Variants in ATF7 observed in about 807,000 individuals in gnomAD.
ATF7 encodes the protein activating transcription factor 7, also known as cyclic AMP-dependent transcription factor ATF-7.
A neutral mutation model predicts 50.4 loss-of-function variants in ATF7; 10 were observed. The observed-to-expected ratio is 0.20, with a 90% confidence interval of 0.12 to 0.34. The LOEUF (loss-of-function observed/expected upper bound fraction) is 0.34, where lower values mean the gene tolerates loss of function less well. Among genes scored for constraint, ATF7 ranks in the 10% least tolerant of loss-of-function variants. The pLI, the probability that ATF7 is intolerant of heterozygous loss-of-function variation, is 1.00. For missense variants in ATF7, 465 were observed against 613.9 expected (o/e 0.76, Z 2.56); for synonymous variants, 201 against 226.4 (o/e 0.89, Z 1.01).
At chr12:53,580,589 G>A (rs1942371399) in intron 2 of ATF7, among the ~76,000 whole-genome samples, 2 of 149,986 alleles carry the variant, frequency 1.3e-5, no homozygotes, top group South Asian at 4.2e-4. Flanking sequence ...GTGTGAACCC[G>A]GGAGGTGGAG....
At chr12:53,608,188 C>G (rs1293316200) in intron 1 of ATF7, among the ~76,000 whole-genome samples, 4 of 146,548 alleles carry the variant, frequency 2.7e-5, no homozygotes, top group African/African-American at 1.0e-4. Flanking sequence ...CCACTGCGCT[C>G]CAGCCTGGTG....
chr12:53,614,545 T>C (rs1010152808), intron 1 of ATF7, among the ~76,000 whole-genome samples: 1 of 152,208 alleles, frequency 6.6e-6, no homozygotes, highest in African/African-American at 2.4e-5. Context: ...CAGGCTTTAA[T>C]ATTAAAGTAT....
rs755660019 is a variant in ATF7 at position 53,534,545 on chromosome 12, T to C, written c.517A>G (p.Thr173Ala). The C allele has an allele frequency of 5.0e-6, 8 of 1,613,372 alleles. No individual in the cohort carries two copies. The highest frequency in any genetic ancestry group is 1.6e-4 in the Middle Eastern group (1 of 6,080). ...DPLHPTLPSP[T>A]SVITQAPPSN... Reference sequence around the variant, plus strand: ...GGTGGAGCCTGTGTGATGACAGAGGTTGGGGAGGGAAGGGTTGGATGAAGT... The same window carrying C: ...GGTGGAGCCTGTGTGATGACAGAGGCTGGGGAGGGAAGGGTTGGATGAAGT... The change falls in exon 6 of 12, where the codon ACC becomes GCC. Residue 173 changes from threonine (T) to alanine (A), a missense_variant. By Grantham distance (58) the Thr-to-Ala change is moderately conservative (BLOSUM62 0). Coordinates refer to ENST00000420353, the MANE Select transcript of ATF7 (RefSeq NM_006856.3).
downstream of ATF7, among the ~76,000 whole-genome samples, chr12:53,510,281 C>T (rs1195227278): frequency 1.3e-5 from 2 of 152,316 alleles, no homozygotes; most frequent in South Asian, 2.1e-4. Context: ...TCAGGTGATC[C>T]GCCCGCCTGG....
chr12:53,539,806 C>T (rs937869426), intron 4 of ATF7, among the ~76,000 whole-genome samples: 1 of 151,884 alleles, frequency 6.6e-6, no homozygotes, highest in Non-Finnish European at 1.5e-5. Flanking sequence ...TGGTGGCTCA[C>T]GCTTGTTATC....
chr12:53,528,788 C>G (rs374554555), intron 9 of ATF7, among the ~76,000 whole-genome samples: 192 of 151,182 alleles, frequency 1.3e-3, no homozygotes, highest in African/African-American at 4.3e-3. Flanking sequence ...GAAAAGAAAA[C>G]AAAAGAAAAG....
At chr12:53,615,079 CAAAAG>C (rs1944061107) in intron 1 of ATF7, among the ~76,000 whole-genome samples, 1 of 148,314 alleles carries the variant, frequency 6.7e-6, no homozygotes, top group African/African-American at 2.5e-5. Context: ...GACGCCATCT[CAAAAG>C]AAAAGAAAAA....
In ATF7 at chr12:53,534,592, G is replaced by C; in HGVS notation, c.470C>G (p.Pro157Arg). 1 of 1,613,660 alleles carries C rather than the reference G, an allele frequency of 6.2e-7. No individual in the cohort carries two copies. Residue 157 changes from proline (P) to arginine (R), a missense_variant, in exon 6 of 12, where the codon CCT becomes CGT. Pro to Arg is a moderately radical substitution (Grantham distance 103, BLOSUM62 -2). Transcript: ENST00000420353. Reference protein sequence around the residue: ...TPTIVRPGSLPLHLGYDPLHP... With the variant: ...TPTIVRPGSLRLHLGYDPLHP... ...AAGTGGATCATAGCCCAAGTGGAGAGGCAGGGAGCCAGGACGTACAATGGT... is the reference window on the plus strand; with the variant it reads ...AAGTGGATCATAGCCCAAGTGGAGACGCAGGGAGCCAGGACGTACAATGGT...
At chr12:53,609,479 A>G (rs1264088219) in intron 1 of ATF7, among the ~76,000 whole-genome samples, 1 of 151,654 alleles carries the variant, frequency 6.6e-6, no homozygotes, top group Non-Finnish European at 1.5e-5. Flanking sequence ...TTAAAAAAAA[A>G]AAAAAAAAAT....
intron 2 of ATF7, among the ~76,000 whole-genome samples, chr12:53,596,416 G>A (rs936053634): frequency 1.3e-5 from 2 of 152,160 alleles, no homozygotes; most frequent in African/African-American, 4.8e-5. Context: ...CTCCTCAGAG[G>A]AAATGCGTTC....
chr12:53,510,729 A>T (rs1352769410), downstream of ATF7, among the ~76,000 whole-genome samples: 1 of 152,232 alleles, frequency 6.6e-6, no homozygotes, highest in Admixed American at 6.5e-5. Flanking sequence ...GCTGAGCTGC[A>T]TTCAGAAAGA....
chr12:53,570,533 T>C (rs1014742406), intron 2 of ATF7, among the ~76,000 whole-genome samples: 2 of 152,288 alleles, frequency 1.3e-5, no homozygotes, highest in Admixed American at 1.3e-4. Context: ...CCTGCCAAAA[T>C]ACAACATACC....
chr12:53,517,101 G>GA lies in ATF7; in HGVS notation c.*35dup, dbSNP rs1565913054. ...CATCTCTCTTGGCTCTTGGGCGGGCGAGCTCTGGCTGAGGACCTCTCCACC... is the reference window on the plus strand; with the variant it reads ...CATCTCTCTTGGCTCTTGGGCGGGCGAAGCTCTGGCTGAGGACCTCTCCACC... On this transcript the variant is annotated 3_prime_UTR_variant, in exon 12 of 12. Coordinates refer to ENST00000420353, the MANE Select transcript of ATF7 (RefSeq NM_006856.3). The GA allele has an allele frequency of 6.3e-7, 1 of 1,599,056 alleles. No individual in the cohort carries two copies.
chr12:53,620,748 CAA>C (rs1028111050), intron 1 of ATF7, among the ~76,000 whole-genome samples: 2 of 111,954 alleles, frequency 1.8e-5, no homozygotes. Context: ...GACTTCGTCT[CAA>C]AAAAAAAAAG....
rs1318735206 is a variant in ATF7, at chr12:53,532,609, C to T, written c.675G>A (p.Val225=). ...MPSVISLARP[V]SMVPNIPGIP... ...TACCAGGAATGTTGGGCACCATGGA[C>T]ACAGGTCTGGCCAGCTGGATCGAGA... The change falls in exon 8 of 12, where the codon GTG becomes GTA. Residue 225 remains valine, a synonymous_variant. Transcript: ENST00000420353. 6.2e-7 allele frequency: 1 copy of T among 1,600,346 alleles called. No individual in the cohort carries two copies. Among genetic ancestry groups the T allele is most frequent in the Non-Finnish European group, 8.5e-7 (1 of 1,173,876 alleles).
At chr12:53,572,415 A>C (rs190785963) in intron 2 of ATF7, among the ~76,000 whole-genome samples, 1 of 152,330 alleles carries the variant, frequency 6.6e-6, no homozygotes, top group Non-Finnish European at 1.5e-5. Context: ...GCTAGAGGCC[A>C]AGTGTGGACA....
At chr12:53,522,481 C>G (rs1470277854) in intron 11 of ATF7, 1 of 152,042 alleles carries the variant, frequency 6.6e-6, no homozygotes, top group East Asian at 1.9e-4. Context: ...ATTGTTTGAA[C>G]CTGGGAGGCA....
intron 4 of ATF7, among the ~76,000 whole-genome samples, chr12:53,541,414 C>A (rs1167637768): frequency 6.6e-6 from 1 of 152,092 alleles, no homozygotes; most frequent in African/African-American, 2.4e-5. Flanking sequence ...AAAATAGTGA[C>A]CAATAACCTA....
intron 2 of ATF7, among the ~76,000 whole-genome samples, chr12:53,579,416 G>A (rs1942274770): frequency 6.6e-6 from 1 of 151,906 alleles, no homozygotes; most frequent in African/African-American, 2.4e-5. Context: ...GCCGGGCATG[G>A]TGGTATACAC....
Sources: gnomAD v4.1 joint callset for allele counts (sites outside exome capture counted in the v4.1 genomes callset) on GRCh38, gnomAD v4.1.1 for gene constraint, MANE v1.5 for transcripts, NCBI Gene and HGNC (gene_info 2026-07-23, HGNC 2026-07-21) for gene names.